Variants in PHYHD1 observed in about 807,000 individuals in gnomAD.
PHYHD1 encodes phytanoyl-CoA dioxygenase domain-containing protein 1.
A neutral mutation model predicts 43.6 loss-of-function variants in PHYHD1; 42 were observed. The observed-to-expected ratio is 0.96, with a 90% CI of 0.75 to 1.25. The LOEUF is 1.25. Among genes scored for constraint, PHYHD1 ranks in the 50% most tolerant of loss-of-function variants. The probability of loss-of-function intolerance (pLI) is 0.00; values close to 1 mark genes in which losing one functional copy is unlikely to be tolerated. For missense variants in PHYHD1, 342 were observed against 370.8 expected (o/e 0.92, Z 0.64); for synonymous variants, 139 against 143.6 (o/e 0.97, Z 0.23).
Position 128,933,746 on chromosome 9 carries a change from A to ACAGACCCCAG in PHYHD1, c.193-36_193-35insCAGACCCCAG, listed in dbSNP as rs1012379895. 3.8e-6 allele frequency: 6 copies of ACAGACCCCAG among 1,599,756 alleles called. No homozygotes were observed. The African/African-American group carries it at 8.0e-5, about 21-fold the overall frequency. On this transcript the variant is annotated intron_variant, in intron 4 of 12. Coordinates refer to ENST00000372592, the MANE Select transcript of PHYHD1 (RefSeq NM_001100876.2). ...TGCCAGGCCCAGCTCTGACCCCAGG[A>ACAGACCCCAG]TGCTGTCTCAGTCCTCTGATGTCCC...
intron 4 of PHYHD1, among the ~76,000 whole-genome samples, chr9:128,928,481 T>C (rs1841193261): frequency 6.6e-6 from 1 of 152,064 alleles, no homozygotes; most frequent in Non-Finnish European, 1.5e-5. Flanking sequence ...GGTGGGTGGA[T>C]CATCTGAGGT....
intron 4 of PHYHD1, among the ~76,000 whole-genome samples, chr9:128,931,513 GT>G (rs2131104582): frequency 6.6e-6 from 1 of 151,930 alleles, no homozygotes; most frequent in Non-Finnish European, 1.5e-5. Flanking sequence ...GAGGAGGTCA[GT>G]TTTTTGTTTT....
intron 5 of PHYHD1, 57 bp from the exon 6 acceptor site, chr9:128,933,954 C>A: frequency 1.9e-6 from 3 of 1,606,882 alleles, no homozygotes; most frequent in Non-Finnish European, 2.6e-6. Flanking sequence ...CTGAAGCCAG[C>A]TGCCCATGGA....
intron 8 of PHYHD1, among the ~76,000 whole-genome samples, chr9:128,936,951 C>G (rs1176271855): frequency 2.6e-5 from 4 of 151,708 alleles, no homozygotes; most frequent in Non-Finnish European, 5.9e-5. Flanking sequence ...CCCATCTCTA[C>G]TAAAAATACA....
intron 8 of PHYHD1, 56 bp downstream of exon 8, chr9:128,936,701 T>C (rs1015009331): frequency 1.4e-5 from 21 of 1,528,638 alleles, no homozygotes; most frequent in Admixed American, 2.0e-5. Flanking sequence ...AGACTGCTCA[T>C]ACCAAGCCCT....
chr9:128,939,105 C>T (rs1841493627), intron 9 of PHYHD1, among the ~76,000 whole-genome samples: 1 of 131,916 alleles, frequency 7.6e-6, no homozygotes, highest in African/African-American at 2.5e-5. Context: ...AAAGCCCCTT[C>T]CATTTCAAAT....
intron 4 of PHYHD1, among the ~76,000 whole-genome samples, chr9:128,929,444 A>T (rs1339703682): frequency 6.6e-6 from 1 of 152,102 alleles, no homozygotes; most frequent in African/African-American, 2.4e-5. Flanking sequence ...AGGCTGAAAC[A>T]GGCAGATCGC....
At position 128,926,936 on chromosome 9, in the gene PHYHD1, C is replaced by T. The variant is rs763796577; in HGVS notation, c.34-102C>T. 5.8e-5 allele frequency: 88 copies of T among 1,529,756 alleles called. No homozygotes were observed. In the East Asian group the frequency reaches 1.9e-3, roughly 34 times the overall value. 94.8% of individuals were successfully genotyped at this position (1,529,756 alleles called of 1,614,324 possible). A position where few individuals can be genotyped will look rare whatever the true frequency, so the allele number is the denominator to read the frequency against. On this transcript the variant is annotated intron_variant, in intron 3 of 12. Transcript: ENST00000372592. ...CTGGGGTTGGGGACAGGGCAGCAAA[C>T]AAGATACCTGGTCCCACCTTCACAC...
rs375648347 is a variant in PHYHD1, at chr9:128,941,738, C to T, written c.*25C>T. 22 of 1,613,938 alleles carry T rather than the reference C, an allele frequency of 1.4e-5. No homozygotes were observed. The highest frequency in any genetic ancestry group is 1.0e-4 in the Admixed American group (6 of 59,998). On this transcript the variant is annotated 3_prime_UTR_variant, in exon 13 of 13. Transcript: ENST00000372592. ...AAGGCTCTCGCAGGGCAGGAGCCCTCGCCCCTCCCGGGTGAAGCTGTGGGC... is the reference window on the plus strand; with the variant it reads ...AAGGCTCTCGCAGGGCAGGAGCCCTTGCCCCTCCCGGGTGAAGCTGTGGGC...
At chr9:128,932,149 CTATTATTATTATTATTATTGT>C (rs1841297414) in intron 4 of PHYHD1, among the ~76,000 whole-genome samples, 27 of 127,882 alleles carry the variant, frequency 2.1e-4, no homozygotes, top group African/African-American at 8.1e-4. Flanking sequence ...GAAGTCAGTT[CTATTATTATTATTATTATTGT>C]TATTATTATT....
At chr9:128,924,825 C>G (rs1588243994) in intron 3 of PHYHD1, among the ~76,000 whole-genome samples, 1 of 152,024 alleles carries the variant, frequency 6.6e-6, no homozygotes. Flanking sequence ...ATTCCAACTA[C>G]TCGGGAGGCT....
intron 9 of PHYHD1, 113 bp downstream of exon 9, chr9:128,937,891 G>C: frequency 6.4e-7 from 1 of 1,573,094 alleles, no homozygotes; most frequent in Non-Finnish European, 8.6e-7. Context: ...TGTTGTAGGA[G>C]CCTGGCCCGG....
intron 4 of PHYHD1, among the ~76,000 whole-genome samples, chr9:128,931,670 G>A (rs573894613): frequency 3.3e-5 from 5 of 152,056 alleles, no homozygotes; most frequent in African/African-American, 7.2e-5. Flanking sequence ...GACTACAGGC[G>A]CCCGCCACCA....
At chr9:128,922,111 A>G (rs1403279960) in intron 2 of PHYHD1, 64 bp downstream of exon 2, 5 of 558,416 alleles carry the variant, frequency 9.0e-6, no homozygotes, top group Non-Finnish European at 1.6e-5. Context: ...ATCCTTGGAG[A>G]TGGGAAAGGG....
intron 4 of PHYHD1, among the ~76,000 whole-genome samples, chr9:128,932,166 A>ATTATTTTTTTTTT (rs1564540372): frequency 4.1e-5 from 5 of 122,718 alleles, no homozygotes; most frequent in African/African-American, 1.0e-4. Flanking sequence ...TATTATTATT[A>ATTATTTTTTTTTT]TTGTTATTAT....
Position 128,922,338 on chromosome 9 carries a change from C to A in PHYHD1, c.15C>A (p.Ser5Arg), listed in dbSNP as rs1372128972. MACL[S>R]PSQLQKFQQD... ...TGAGCGTCTCCATGGCCTGCCTGAG[C>A]CCCTCGCAGCTCCAGAAGGTAGGAG... is the stretch of plus-strand genomic sequence containing the variant. The change falls in exon 3 of 13, where the codon AGC (serine) becomes AGA (arginine). Residue 5 changes from serine to arginine, a missense_variant. Coordinates refer to ENST00000372592, the MANE Select transcript of PHYHD1 (RefSeq NM_001100876.2). 1.9e-6 allele frequency: 3 copies of A among 1,550,566 alleles called. No individual in the cohort carries two copies. The highest frequency in any genetic ancestry group is 2.6e-6 in the Non-Finnish European group (3 of 1,147,126).
chr9:128,940,330 C>G lies in PHYHD1; in HGVS notation c.458-39C>G, dbSNP rs202098811. ...GAGGCCAAGGTGAGGTGGAAACAGG[C>G]AAAAGGATGAGCTCCTCACCCCCCG... is the stretch of plus-strand genomic sequence containing the variant. On this transcript the variant is annotated intron_variant, in intron 9 of 12. Coordinates refer to ENST00000372592, the MANE Select transcript of PHYHD1 (RefSeq NM_001100876.2). 1.4e-4 allele frequency: 229 copies of G among 1,610,494 alleles called. 3 individuals carry two copies. In the East Asian group the frequency reaches 2.9e-3, roughly 21 times the overall value.
intron 9 of PHYHD1, chr9:128,938,026 G>A (rs1018117043): frequency 5.6e-5 from 74 of 1,325,540 alleles, no homozygotes; most frequent in Admixed American, 8.9e-5. Context: ...GATTTCCTAG[G>A]ACAGGCGTGG....
intron 4 of PHYHD1, among the ~76,000 whole-genome samples, chr9:128,928,074 G>A (rs1001506845): frequency 1.3e-5 from 2 of 152,260 alleles, no homozygotes; most frequent in African/African-American, 2.4e-5. Flanking sequence ...TGGGCCAGGT[G>A]AGATCCTGGC....
Sources: allele counts gnomAD v4.1 joint callset (sites outside exome capture counted in the v4.1 genomes callset), GRCh38; gene constraint gnomAD v4.1.1; transcripts MANE v1.5; gene names NCBI Gene and HGNC (gene_info 2026-07-23, HGNC 2026-07-21).